Variants in ROR2 observed in about 807,000 individuals in gnomAD.
ROR2 encodes ROR family WNT receptor 2.
In ROR2, 33 loss-of-function variants were observed where a neutral mutation model predicts 74.9. The observed-to-expected ratio is 0.44, with a 90% CI of 0.33 to 0.59. The LOEUF (loss-of-function observed/expected upper bound fraction) is 0.59, where lower values mean the gene tolerates loss of function less well. Ranked by LOEUF, ROR2 falls within the 20% of genes least tolerant of loss-of-function variation. ROR2 has a pLI of 0.02. For synonymous variants in ROR2, 586 were observed against 558.7 expected (o/e 1.05, Z -0.69); for missense variants, 1,216 against 1,313.8 (o/e 0.93, Z 1.15).
intron 1 of ROR2, chr9:91,948,921 A>G (rs146437104): frequency 1.0e-5 from 10 of 985,250 alleles, no homozygotes; most frequent in Non-Finnish European, 1.2e-5. Flanking sequence ...CTGCACCGCC[A>G]GAGCTAACGC....
Position 91,852,651 on chromosome 9 carries a change from C to CACACACACACACACACACACACACACACA in ROR2, c.98-76834_98-76833insTGTGTGTGTGTGTGTGTGTGTGTGTGTGT, listed in dbSNP as rs1231343818. Among the ~76,000 whole-genome samples the CACACACACACACACACACACACACACACA allele has an allele frequency of 4.7e-4, 68 of 143,250 alleles. 2 individuals carry two copies. Among genetic ancestry groups the CACACACACACACACACACACACACACACA allele is most frequent in the African/African-American group, 1.7e-3 (64 of 36,912 alleles). The allele number at this position is 143,250 out of a possible 152,430, so 94.0% of individuals were successfully genotyped here. The stretch of plus-strand genomic sequence containing the variant: ...CACACACACACACACACACACACAC[C>CACACACACACACACACACACACACACACA]CACACACACAATGTAAGTCCATAAG... On this transcript the variant is annotated intron_variant, in intron 1 of 8. Transcript: ENST00000375708.
At chr9:91,915,166 A>G (rs1012959618) in intron 1 of ROR2, among the ~76,000 whole-genome samples, 2 of 152,110 alleles carry the variant, frequency 1.3e-5, no homozygotes, top group African/African-American at 4.8e-5. Context: ...GTCATCCCCA[A>G]CATGAGGACT....
intron 1 of ROR2, among the ~76,000 whole-genome samples, chr9:91,848,352 T>C (rs1828988376): frequency 6.6e-6 from 1 of 152,224 alleles, no homozygotes; most frequent in Non-Finnish European, 1.5e-5. Context: ...GGAGTGGACC[T>C]CTGTCTGTCC....
rs186486210 is a variant in ROR2 at position 91,825,369 on chromosome 9, G to A, written c.98-49551C>T. Among the ~76,000 whole-genome samples, 139 of 152,286 alleles carry A rather than the reference G, an allele frequency of 9.1e-4. 1 individual carries two copies. Among genetic ancestry groups the A allele is most frequent in the African/African-American group, 3.2e-3 (131 of 41,566 alleles). ...CCTGGGGCGAAGGTGTCAAACTTGTGGGGCACCCGGTGGGCTCCACTCACC... is the reference window on the plus strand; with the variant it reads ...CCTGGGGCGAAGGTGTCAAACTTGTAGGGCACCCGGTGGGCTCCACTCACC... On this transcript the variant is annotated intron_variant, in intron 1 of 8. Transcript: ENST00000375708.
chr9:91,775,654 G>T, intron 2 of ROR2, 87 bp downstream of exon 2: 1 of 1,273,866 alleles, frequency 7.9e-7, no homozygotes, highest in Admixed American at 1.7e-5. Context: ...GACCCCCAGC[G>T]CCTTCCTTCA....
At chr9:91,942,038 C>T (rs1215050217) in intron 1 of ROR2, among the ~76,000 whole-genome samples, 1 of 152,178 alleles carries the variant, frequency 6.6e-6, no homozygotes, top group African/African-American at 2.4e-5. Flanking sequence ...ATCCGCTGGC[C>T]TCAGCCTCCC....
intron 1 of ROR2, among the ~76,000 whole-genome samples, chr9:91,927,711 A>G (rs1831446971): frequency 6.6e-6 from 1 of 151,804 alleles, no homozygotes; most frequent in East Asian, 1.9e-4. Context: ...TTACAGGTGC[A>G]TGCCACCACA....
chr9:91,817,233 C>T (rs575030933), intron 1 of ROR2, among the ~76,000 whole-genome samples: 17 of 152,314 alleles, frequency 1.1e-4, no homozygotes, highest in South Asian at 6.2e-4. Context: ...GAAGGAAGGC[C>T]GGGACCCAGC....
chr9:91,794,313 C>T (rs1827100075), intron 1 of ROR2, among the ~76,000 whole-genome samples: 1 of 152,198 alleles, frequency 6.6e-6, no homozygotes, highest in African/African-American at 2.4e-5. Flanking sequence ...TACTGTCACC[C>T]CATCACCACT....
chr9:91,925,488 G>GTT (rs1207227660), intron 1 of ROR2, among the ~76,000 whole-genome samples: 1 of 132,872 alleles, frequency 7.5e-6, no homozygotes, highest in Non-Finnish European at 1.7e-5. Context: ...GTGTGTGTGT[G>GTT]TGTGTGTGTG....
At chr9:91,848,786 A>G (rs1829009586) in intron 1 of ROR2, among the ~76,000 whole-genome samples, 2 of 144,320 alleles carry the variant, frequency 1.4e-5, no homozygotes, top group Admixed American at 7.2e-5. Context: ...AAAAAAAAAA[A>G]CAGTTGGACC....
intron 1 of ROR2, among the ~76,000 whole-genome samples, chr9:91,945,662 A>T (rs1030456168): frequency 2.6e-5 from 4 of 152,220 alleles, no homozygotes; most frequent in African/African-American, 9.7e-5. Flanking sequence ...GATAGGACTT[A>T]AAAAGAAAAC....
chr9:91,949,761 G>T, intron 1 of ROR2, 106 bp downstream of exon 1: 1 of 761,870 alleles, frequency 1.3e-6, no homozygotes, highest in South Asian at 1.5e-5. Context: ...CCTCGTTCAG[G>T]AGCATGGGCG....
intron 1 of ROR2, among the ~76,000 whole-genome samples, chr9:91,837,239 G>A (rs945310495): frequency 6.6e-6 from 1 of 152,096 alleles, no homozygotes; most frequent in African/African-American, 2.4e-5. Context: ...CGCCCAGCTA[G>A]TTTTTTGTAT....
intron 1 of ROR2, among the ~76,000 whole-genome samples, chr9:91,894,330 A>C (rs1035347491): frequency 6.6e-5 from 10 of 152,222 alleles, no homozygotes; most frequent in Non-Finnish European, 1.0e-4. Flanking sequence ...CTCCCCTGGC[A>C]TCATAACATG....
rs11296952 is a variant in ROR2 at position 91,837,141 on chromosome 9, G to GTT, written c.98-61325_98-61324dup. The stretch of plus-strand genomic sequence containing the variant: ...GAATTTCTGTTCTGCATTGCTTACT[G>GTT]TTTTTTTTTTTGTTGTTGTTGTTGT... On this transcript the variant is annotated intron_variant, in intron 1 of 8. Coordinates refer to ENST00000375708, the MANE Select transcript of ROR2 (RefSeq NM_004560.4). Among the ~76,000 whole-genome samples the GTT allele has an allele frequency of 9.5e-3, 1,425 of 150,314 alleles. 27 individuals carry two copies. The highest frequency in any genetic ancestry group is 0.033 in the African/African-American group (1,354 of 41,366).
intron 3 of ROR2, among the ~76,000 whole-genome samples, chr9:91,756,701 G>A (rs1564254584): frequency 6.6e-6 from 1 of 150,606 alleles, no homozygotes; most frequent in Non-Finnish European, 1.5e-5. Flanking sequence ...TGGGCTCCAG[G>A]TCCATAAACC....
Position 91,726,727 on chromosome 9 carries a change from G to A in ROR2, c.1200C>T (p.Ser400=), listed in dbSNP as rs1321015648. 5 of 1,613,954 alleles carry A rather than the reference G, an allele frequency of 3.1e-6. No individual in the cohort carries two copies. The highest frequency in any genetic ancestry group is 1.3e-5 in the African/African-American group (1 of 74,900). ...DVPSCSPRDS[S]KMGILYILVP... ...CCAAGATGTACAGAATCCCCATCTT[G>A]CTGCTGTCTCGGGGACCTGTGAACA... The change falls in exon 8 of 9, where the codon AGC becomes AGT. Residue 400 remains serine (S), a synonymous_variant. Transcript: ENST00000375708.
intron 2 of ROR2, among the ~76,000 whole-genome samples, chr9:91,761,034 T>C (rs1680096726): frequency 6.6e-6 from 1 of 152,254 alleles, no homozygotes; most frequent in African/African-American, 2.4e-5. Context: ...CTGTGGCTGC[T>C]GTGACAAGTT....
Sources: allele counts gnomAD v4.1 joint callset (sites outside exome capture counted in the v4.1 genomes callset), GRCh38; gene constraint gnomAD v4.1.1; transcripts MANE v1.5; gene names NCBI Gene and HGNC (gene_info 2026-07-23, HGNC 2026-07-21).